CPLANE1: variants seen among roughly 807,000 people sequenced by gnomAD.
CPLANE1 encodes the protein ciliogenesis and planar polarity effector 1.
A neutral mutation model predicts 362.5 loss-of-function variants in CPLANE1; 263 were observed. The ratio of observed to expected loss-of-function variants is 0.73; its 90% CI spans 0.66 to 0.80. The LOEUF is 0.80. Among genes scored for constraint, CPLANE1 ranks in the 30% least tolerant of loss-of-function variants. The pLI is 0.00. For missense variants in CPLANE1, 3,461 were observed against 3,793.4 expected, an observed-to-expected ratio of 0.91 and a Z score of 2.30; for synonymous variants, 1,212 against 1,302.6, an observed-to-expected ratio of 0.93 and a Z score of 1.50.
intron 19 of CPLANE1, among the ~76,000 whole-genome samples, chr5:37,199,096 C>CAAAAA (rs35945783): frequency 5.1e-4 from 24 of 47,048 alleles, no homozygotes; most frequent in East Asian, 2.8e-3. Context: ...CACCCTGTCT[C>CAAAAA]AAAAAAAAAA....
In CPLANE1 at chr5:37,107,401, C is replaced by T; in HGVS notation, c.*201G>A. ...CAAAAACATATAATACATCAATAGT[C>T]AACCCTTTCCCCATAAAGGCAAAGT... On this transcript the variant is annotated 3_prime_UTR_variant, in exon 53 of 53. Coordinates refer to ENST00000651892, the MANE Select transcript of CPLANE1 (RefSeq NM_001384732.1). 14 of 1,269,878 alleles carry T rather than the reference C, an allele frequency of 1.1e-5. No individual in the cohort carries two copies. The highest frequency in any genetic ancestry group is 1.4e-5 in the Non-Finnish European group (14 of 1,004,170). 78.7% of individuals were successfully genotyped at this position (1,269,878 alleles called of 1,614,324 possible).
rs150126408 is a variant in CPLANE1 at position 37,156,421 on chromosome 5, T to C, written c.8119+892A>G. On this transcript the variant is annotated intron_variant, in intron 41 of 52. Coordinates refer to ENST00000651892, the MANE Select transcript of CPLANE1 (RefSeq NM_001384732.1). ...GAGTTTAAGACCAACCTGGGCAACATAGTGAGACCCTGTCTCTATGAAAAA... is the reference window on the plus strand; with the variant it reads ...GAGTTTAAGACCAACCTGGGCAACACAGTGAGACCCTGTCTCTATGAAAAA... Among the ~76,000 whole-genome samples the C allele has an allele frequency of 8.1e-4, 124 of 152,208 alleles. 3 individuals are homozygous for C. The highest frequency in any genetic ancestry group is 6.4e-3 in the Admixed American group (98 of 15,286).
chr5:37,220,146 C>G (rs1580842079), intron 15 of CPLANE1, among the ~76,000 whole-genome samples: 1 of 151,500 alleles, frequency 6.6e-6, no homozygotes, highest in African/African-American at 2.4e-5. Context: ...CAGCTACTCA[C>G]GAGGCTGAGG....
Position 37,167,157 on chromosome 5 carries a change from T to C in CPLANE1, c.7290A>G (p.Gln2430=), listed in dbSNP as rs571602250. 4.8e-5 allele frequency: 78 copies of C among 1,613,632 alleles called. No individual in the cohort carries two copies. In the South Asian group the frequency reaches 8.2e-4, roughly 17 times the overall value. The change falls in exon 35 of 53, where the codon CAA becomes CAG. Residue 2430 remains glutamine, a synonymous_variant. Transcript: ENST00000651892. ...CAAATAAATTATGTGTTAGTTTCTG[T>C]TGGCTTTGTTTAAACGCAATGAGGT... ...LENLIAFKQS[Q]QKLTHNLFEQ...
chr5:37,108,458 C>A lies in CPLANE1; in HGVS notation c.9414G>T (p.Pro3138=), dbSNP rs377707922. 6.8e-6 allele frequency: 11 copies of A among 1,613,626 alleles called. No homozygotes were observed. Among genetic ancestry groups the A allele is most frequent in the African/African-American group, 1.3e-5 (1 of 74,896 alleles). The stretch of plus-strand genomic sequence containing the variant: ...TTTTTGTATGCTGCAGACTATGACA[C>A]GGAGCATTAGAGCCTTTTAAGGGAT... ...PVTFQKGSNA[P]CHSLQHTKKH... is the part of the protein sequence containing the mutation. Residue 3138 remains proline, a synonymous_variant, in exon 52 of 53, where the codon CCG becomes CCT. Coordinates refer to ENST00000651892, the MANE Select transcript of CPLANE1 (RefSeq NM_001384732.1).
intron 39 of CPLANE1, 54 bp downstream of exon 39, chr5:37,158,170 C>G: frequency 4.5e-6 from 7 of 1,568,160 alleles, no homozygotes; most frequent in Non-Finnish European, 6.1e-6. Context: ...TCTACATGAC[C>G]ATAATACATT....
In CPLANE1 at chr5:37,157,701, A is replaced by G; in HGVS notation, c.7980T>C (p.Asn2660=). 1 of 1,613,928 alleles carries G rather than the reference A, an allele frequency of 6.2e-7. No individual in the cohort carries two copies. The highest frequency in any genetic ancestry group is 8.5e-7 in the Non-Finnish European group (1 of 1,179,880). Residue 2660 remains asparagine, a synonymous_variant, in exon 40 of 53, where the codon AAT becomes AAC. Coordinates refer to ENST00000651892, the MANE Select transcript of CPLANE1 (RefSeq NM_001384732.1). ...TCTTAAAATTATGTGGGGGAACAGC[A>G]TTAGTAACTGAAGCTGCCATATAAT... ...ELHYMAASVT[N]AVPPHNFKSQ...
chr5:37,121,726 C>A lies in CPLANE1; in HGVS notation c.9076G>T (p.Glu3026Ter). ...RISQAYGLMN[E>*]LLSESVQLPT... Reference sequence around the variant, plus strand: ...AGCTGTACTGACTCAGATAACAGTTCATTCATCAGACCGTACGCTTGTGAG... The same window carrying A: ...AGCTGTACTGACTCAGATAACAGTTAATTCATCAGACCGTACGCTTGTGAG... Residue 3026 changes from glutamate (E) to a stop codon, truncating the protein, a stop_gained, in exon 49 of 53, where the codon GAA becomes TAA. Coordinates refer to ENST00000651892, the MANE Select transcript of CPLANE1 (RefSeq NM_001384732.1). LOFTEE classifies it high-confidence loss of function. 1 of 1,613,978 alleles carries A rather than the reference C, an allele frequency of 6.2e-7. No homozygotes were observed.
At chr5:37,242,865 C>A (rs1800874285) in intron 6 of CPLANE1, 148 bp downstream of exon 6, 1 of 532,774 alleles carries the variant, frequency 1.9e-6, no homozygotes, top group Non-Finnish European at 3.3e-6. Context: ...ATTAGCCAGG[C>A]ATGGTGGCAC....
At chr5:37,224,842 G>A in intron 12 of CPLANE1, 102 bp from the exon 13 acceptor site, 1 of 667,346 alleles carries the variant, frequency 1.5e-6, no homozygotes, top group Non-Finnish European at 2.6e-6. Context: ...TTCTTCATCG[G>A]TATAACATAC....
chr5:37,194,113 A>G (rs1786505005), intron 21 of CPLANE1, among the ~76,000 whole-genome samples: 1 of 151,898 alleles, frequency 6.6e-6, no homozygotes, highest in African/African-American at 2.4e-5. Context: ...TAGTAGAGAC[A>G]GGGTTTTACC....
At chr5:37,185,364 T>A (rs1783708941) in intron 24 of CPLANE1, among the ~76,000 whole-genome samples, 1 of 152,082 alleles carries the variant, frequency 6.6e-6, no homozygotes, top group Admixed American at 6.5e-5. Flanking sequence ...TTAAGTGATT[T>A]AACTGTTTTA....
the CPLANE1 span, among the ~76,000 whole-genome samples, chr5:37,083,815 C>CTGAGGTGAAATAAAT: frequency 6.6e-6 from 1 of 152,164 alleles, no homozygotes; most frequent in Non-Finnish European, 1.5e-5. Context: ...AATCAGCATT[C>CTGAGGTGAAATAAAT]CTGAGGAAGA....
rs974284234 is a variant in CPLANE1, at chr5:37,124,838, T to C, written c.8958+406A>G. Reference sequence around the variant, plus strand: ...CAAAGTTTTCTAAGCAAATAAATTTTATAAACTAAGTAAGGGAGCAGGCAT... The same window carrying C: ...CAAAGTTTTCTAAGCAAATAAATTTCATAAACTAAGTAAGGGAGCAGGCAT... On this transcript the variant is annotated intron_variant, in intron 47 of 52. Coordinates refer to ENST00000651892, the MANE Select transcript of CPLANE1 (RefSeq NM_001384732.1). 9.2e-6 allele frequency: 9 copies of C among 983,512 alleles called. No individual in the cohort carries two copies. In the African/African-American group the frequency reaches 1.6e-4, roughly 17 times the overall value. 60.9% of individuals were successfully genotyped at this position (983,512 alleles called of 1,614,324 possible). A position where few individuals can be genotyped will look rare whatever the true frequency, so the allele number is the denominator to read the frequency against.
chr5:37,210,585 C>A (rs1411863410), intron 16 of CPLANE1: 2 of 1,583,284 alleles, frequency 1.3e-6, no homozygotes, highest in African/African-American at 2.7e-5. Flanking sequence ...AGAACTTGAG[C>A]TTGAATTAGA....
chr5:37,166,445 C>G (rs917606413), intron 35 of CPLANE1, among the ~76,000 whole-genome samples: 45 of 152,120 alleles, frequency 3.0e-4, no homozygotes, highest in Middle Eastern at 3.2e-3. Flanking sequence ...TATCAGAGTT[C>G]AACCATGGTT....
rs1297582442 is a variant in CPLANE1, at chr5:37,244,613, A to G, written c.338-6T>C. 6.6e-7 allele frequency: 1 copy of G among 1,511,964 alleles called. No individual in the cohort carries two copies. The highest frequency in any genetic ancestry group is 2.2e-5 in the Admixed American group (1 of 44,564). 93.7% of individuals were successfully genotyped at this position (1,511,964 alleles called of 1,614,324 possible). A position where few individuals can be genotyped will look rare whatever the true frequency, so the allele number is the denominator to read the frequency against. On this transcript the variant is annotated splice_polypyrimidine_tract_variant and splice_region_variant and intron_variant, in intron 4 of 52. Transcript: ENST00000651892. ...GTACAGTCTCAAAGAGCTTGCTAAA[A>G]AAGTAACAAAAAAAGTAATTAAGCC... is the stretch of plus-strand genomic sequence containing the variant.
In CPLANE1 at chr5:37,183,289, G is replaced by A. The variant is rs748759724; in HGVS notation, c.4892C>T (p.Ser1631Leu). The A allele has an allele frequency of 1.2e-5, 19 of 1,613,474 alleles. No homozygotes were observed. The South Asian group carries it at 2.0e-4, about 17-fold the overall frequency. Residue 1631 changes from serine to leucine, a missense_variant, in exon 26 of 53, where the codon TCA becomes TTA. By Grantham distance (145) the Ser-to-Leu change is moderately radical. Transcript: ENST00000651892. The part of the protein sequence containing the change: ...VAPESYESEK[S>L]SSLNDEYGMH... ...GCCATATTCATCATTTAAAGAGGAT[G>A]ATTTTTCTGATTCATAGGACTCAGG...
At position 37,125,465 on chromosome 5, in the gene CPLANE1, GA is replaced by G. The variant is rs1231407720; in HGVS notation, c.8793-57del. The G allele has an allele frequency of 1.0e-5, 12 of 1,166,296 alleles. No homozygotes were observed. In the African/African-American group the frequency reaches 1.6e-4, roughly 15 times the overall value. The allele number at this position is 1,166,296 out of a possible 1,614,324, so 72.2% of individuals were successfully genotyped here. On this transcript the variant is annotated intron_variant, in intron 46 of 52. Coordinates refer to ENST00000651892, the MANE Select transcript of CPLANE1 (RefSeq NM_001384732.1). ...GCTTTTAAATTTGTTAAGCAGATAAGATATATCATGACTAAACACTATTTAT... is the reference window on the plus strand; with the variant it reads ...GCTTTTAAATTTGTTAAGCAGATAAGTATATCATGACTAAACACTATTTAT...
Sources: gnomAD v4.1 joint callset for allele counts (sites outside exome capture counted in the v4.1 genomes callset) on GRCh38, gnomAD v4.1.1 for gene constraint, MANE v1.5 for transcripts, NCBI Gene and HGNC (gene_info 2026-07-23, HGNC 2026-07-21) for gene names.